RALGAPB: variants seen among roughly 807,000 people sequenced by gnomAD.
RALGAPB encodes Ral GTPase activating protein non-catalytic subunit beta.
A neutral mutation model predicts 161.1 loss-of-function variants in RALGAPB; 25 were observed. The observed-to-expected ratio is 0.16, with a 90% confidence interval of 0.11 to 0.22. The LOEUF is 0.22. Among genes scored for constraint, RALGAPB ranks in the 10% least tolerant of loss-of-function variants. RALGAPB has a pLI of 1.00. For missense variants in RALGAPB, 1,391 were observed against 1,815.2 expected (o/e 0.77, Z 4.25); for synonymous variants, 629 against 626.1 (o/e 1.00, Z -0.07).
intron 5 of RALGAPB, among the ~76,000 whole-genome samples, chr20:38,502,592 AT>A (rs150957273): frequency 1.3e-5 from 2 of 151,448 alleles, no homozygotes; most frequent in African/African-American, 2.4e-5. Flanking sequence ...CTTTTATATG[AT>A]TTTTTTTTGT....
intron 1 of RALGAPB, among the ~76,000 whole-genome samples, chr20:38,474,425 G>T (rs1488883879): frequency 6.6e-6 from 1 of 152,002 alleles, no homozygotes; most frequent in South Asian, 2.1e-4. Context: ...AAGTAGCTGG[G>T]ACTACCACGC....
At chr20:38,493,901 G>C (rs186087423) in intron 3 of RALGAPB, among the ~76,000 whole-genome samples, 2 of 152,180 alleles carry the variant, frequency 1.3e-5, no homozygotes, top group African/African-American at 4.8e-5. Flanking sequence ...TGAATTCTGC[G>C]TGAGTGCTGC....
At chr20:38,556,401 T>A (rs901505601) in intron 22 of RALGAPB, among the ~76,000 whole-genome samples, 2 of 152,064 alleles carry the variant, frequency 1.3e-5, no homozygotes, top group African/African-American at 4.8e-5. Context: ...GAGGTAAAAA[T>A]CATTGGAAAT....
chr20:38,567,057 GGTA>G, intron 25 of RALGAPB, 36 bp from the exon 26 acceptor site: 2 of 1,587,268 alleles, frequency 1.3e-6, no homozygotes, highest in Non-Finnish European at 1.7e-6. Flanking sequence ...CCAAATAAGT[GGTA>G]TGTATTATAG....
At chr20:38,546,189 T>TAA in intron 18 of RALGAPB, 54 bp from the exon 19 acceptor site, 8 of 1,609,160 alleles carry the variant, frequency 5.0e-6, no homozygotes, top group Non-Finnish European at 6.8e-6. Flanking sequence ...ATGCACAAGG[T>TAA]AAACTGAAGA....
intron 5 of RALGAPB, among the ~76,000 whole-genome samples, chr20:38,505,696 G>T (rs754577051): frequency 6.6e-6 from 1 of 152,002 alleles, no homozygotes; most frequent in Admixed American, 6.6e-5. Context: ...ATACTTAATC[G>T]ACTACAGTAT....
At chr20:38,530,389 G>A (rs369920799) in intron 13 of RALGAPB, among the ~76,000 whole-genome samples, 28 of 152,158 alleles carry the variant, frequency 1.8e-4, no homozygotes, top group African/African-American at 5.3e-4. Flanking sequence ...AAGTGTTTGT[G>A]TACGTAAGTT....
chr20:38,499,161 C>A (rs971296252), intron 4 of RALGAPB, among the ~76,000 whole-genome samples: 1 of 152,224 alleles, frequency 6.6e-6, no homozygotes, highest in East Asian at 1.9e-4. Context: ...TTTCCTTCTC[C>A]CCTGTGTCCC....
At chr20:38,501,562 C>G (rs1186091293) in intron 5 of RALGAPB, among the ~76,000 whole-genome samples, 1 of 152,126 alleles carries the variant, frequency 6.6e-6, no homozygotes, top group Non-Finnish European at 1.5e-5. Flanking sequence ...GCCAACATGT[C>G]CTGCTAGTTT....
At chr20:38,552,644 G>GTAGGTGAAGGTTCAGAGACATT (rs1165723911) in intron 21 of RALGAPB, among the ~76,000 whole-genome samples, 2 of 152,296 alleles carry the variant, frequency 1.3e-5, no homozygotes, top group East Asian at 3.9e-4. Context: ...GAAGGAGAGA[G>GTAGGTGAAGGTTCAGAGACATT]TAGGTGAAGG....
intron 5 of RALGAPB, among the ~76,000 whole-genome samples, chr20:38,506,730 G>A (rs2123006186): frequency 6.6e-6 from 1 of 152,222 alleles, no homozygotes; most frequent in Admixed American, 6.5e-5. Flanking sequence ...CTATAAACTG[G>A]TAGTTAGATC....
At chr20:38,556,648 A>G (rs2145463340) in intron 22 of RALGAPB, among the ~76,000 whole-genome samples, 1 of 152,282 alleles carries the variant, frequency 6.6e-6, no homozygotes, top group East Asian at 1.9e-4. Flanking sequence ...ACTTTTAACA[A>G]TTATTAAGAG....
intron 24 of RALGAPB, among the ~76,000 whole-genome samples, chr20:38,563,968 C>T (rs1029996568): frequency 6.6e-6 from 1 of 152,176 alleles, no homozygotes; most frequent in Non-Finnish European, 1.5e-5. Context: ...TCTCAGAACT[C>T]CCTACTCCCC....
intron 5 of RALGAPB, among the ~76,000 whole-genome samples, chr20:38,507,783 G>A (rs1277721323): frequency 6.6e-6 from 1 of 151,614 alleles, no homozygotes; most frequent in Non-Finnish European, 1.5e-5. Flanking sequence ...TTGTAGCCTC[G>A]AACTCCTGAC....
At chr20:38,486,525 T>C (rs1428249349) in intron 1 of RALGAPB, among the ~76,000 whole-genome samples, 1 of 152,130 alleles carries the variant, frequency 6.6e-6, no homozygotes, top group Non-Finnish European at 1.5e-5. Context: ...ACCTGCAGAA[T>C]TGAGCTTTTT....
intron 11 of RALGAPB, among the ~76,000 whole-genome samples, 169 bp downstream of exon 11, chr20:38,525,114 C>G (rs548555589): frequency 6.6e-6 from 1 of 152,256 alleles, no homozygotes; most frequent in East Asian, 1.9e-4. Context: ...TCCCTGAAAT[C>G]CTTCAGTTCT....
intron 5 of RALGAPB, among the ~76,000 whole-genome samples, chr20:38,506,669 T>C (rs1368287647): frequency 6.6e-6 from 1 of 152,238 alleles, no homozygotes; most frequent in African/African-American, 2.4e-5. Flanking sequence ...TTTCACATTT[T>C]GGATTTGTCC....
chr20:38,529,449 G>A (rs950416074), intron 13 of RALGAPB, among the ~76,000 whole-genome samples: 5 of 151,858 alleles, frequency 3.3e-5, no homozygotes, highest in Admixed American at 2.6e-4. Flanking sequence ...CACGGGAGGC[G>A]GAGGTTGCAG....
chr20:38,491,768 A>G (rs1215713523), intron 2 of RALGAPB, among the ~76,000 whole-genome samples: 3 of 152,216 alleles, frequency 2.0e-5, no homozygotes, highest in Admixed American at 6.5e-5. Context: ...GATGATATTT[A>G]TGAAAGTGCT....
Sources: allele counts gnomAD v4.1 joint callset (sites outside exome capture counted in the v4.1 genomes callset), GRCh38; gene constraint gnomAD v4.1.1; transcripts MANE v1.5; gene names NCBI Gene and HGNC (gene_info 2026-07-23, HGNC 2026-07-21).